The following RBFOX1 variants were observed in gnomAD, a reference collection of about 807,000 sequenced individuals.
RBFOX1 encodes RNA binding fox-1 homolog 1.
Under a neutral mutation model 57.7 loss-of-function variants are expected in RBFOX1, and 8 were observed. That is an observed-to-expected ratio of 0.14 (90% CI 0.08 to 0.25). The LOEUF is 0.25. Ranked by LOEUF, RBFOX1 falls within the 10% of genes least tolerant of loss-of-function variation. The probability of loss-of-function intolerance (pLI) is 1.00; values close to 1 mark genes in which losing one functional copy is unlikely to be tolerated. For missense variants in RBFOX1, 611 were observed against 548.5 expected, an observed-to-expected ratio of 1.11 and a Z score of -1.14; for synonymous variants, 326 against 222.4, an observed-to-expected ratio of 1.47 and a Z score of -4.15.
chr16:7,479,271 G>C (rs747807795), intron 4 of RBFOX1, among the ~76,000 whole-genome samples: 1 of 151,930 alleles, frequency 6.6e-6, no homozygotes, highest in African/African-American at 2.4e-5. Context: ...TTACAGGCAT[G>C]CACCACCACA....
At chr16:5,894,642 T>A (rs2058118580) in intron 4 of RBFOX1, among the ~76,000 whole-genome samples, 1 of 152,144 alleles carries the variant, frequency 6.6e-6, no homozygotes, top group East Asian at 1.9e-4. Flanking sequence ...CTGAGTTTCC[T>A]TCTGAGCTCC....
intron 3 of RBFOX1, among the ~76,000 whole-genome samples, chr16:6,712,787 C>T (rs2063954951): frequency 6.6e-6 from 1 of 151,544 alleles, no homozygotes; most frequent in Non-Finnish European, 1.5e-5. Context: ...TATGGTTTGG[C>T]TGTGTCCCCA....
intron 4 of RBFOX1, among the ~76,000 whole-genome samples, chr16:5,900,034 T>G (rs747112695): frequency 2.6e-5 from 4 of 152,142 alleles, no homozygotes; most frequent in Non-Finnish European, 5.9e-5. Flanking sequence ...GCCGAGATTG[T>G]GCCACTGCAC....
intron 13 of RBFOX1, among the ~76,000 whole-genome samples, chr16:7,670,523 A>T (rs1250305560): frequency 1.3e-5 from 2 of 152,206 alleles, no homozygotes; most frequent in Non-Finnish European, 2.9e-5. Flanking sequence ...GAGGGAGAGA[A>T]GTAAAAGCAT....
chr16:7,632,954 G>A (rs1299419996), intron 11 of RBFOX1, among the ~76,000 whole-genome samples: 2 of 152,124 alleles, frequency 1.3e-5, no homozygotes, highest in Non-Finnish European at 2.9e-5. Context: ...AAAGTGAATT[G>A]GGGAAGCATC....
At chr16:5,584,961 A>G (rs1469098237) in intron 2 of RBFOX1, among the ~76,000 whole-genome samples, 1 of 151,098 alleles carries the variant, frequency 6.6e-6, no homozygotes, top group African/African-American at 2.5e-5. Context: ...GAGGGATAGA[A>G]GTCTGGGTCT....
intron 4 of RBFOX1, among the ~76,000 whole-genome samples, chr16:7,502,594 G>C (rs2071335049): frequency 6.6e-6 from 1 of 151,946 alleles, no homozygotes; most frequent in African/African-American, 2.4e-5. Flanking sequence ...TTGTTTGTTT[G>C]TTTTGTTTTT....
chr16:5,366,057 C>T (rs1343550611), intron 1 of RBFOX1: 2 of 474,514 alleles, frequency 4.2e-6, no homozygotes, highest in Non-Finnish European at 4.1e-6. Context: ...CAATGGTTTC[C>T]CTTGGGGCTT....
Position 5,559,763 on chromosome 16 carries a change from C to T in RBFOX1, c.259-39139C>T, listed in dbSNP as rs1287950955. On this transcript the variant is annotated intron_variant, in intron 2 of 2. Coordinates refer to the RBFOX1 transcript ENST00000585867. ...GTTAAAAAGTCTTCAGTGATAACCA[C>T]TCCCCTCATCTTGCTTTTAACATCT... 2.6e-5 allele frequency among the ~76,000 whole-genome samples: 4 copies of T among 152,340 alleles called. 1 individual carries two copies. In the East Asian group the frequency reaches 7.7e-4, roughly 29 times the overall value.
intron 3 of RBFOX1, among the ~76,000 whole-genome samples, chr16:5,800,719 G>A (rs1429535739): frequency 6.6e-6 from 1 of 152,046 alleles, no homozygotes; most frequent in East Asian, 1.9e-4. Context: ...TTACAGAGAG[G>A]AATTTCTGTC....
At chr16:7,395,589 AG>A (rs1272141440) in intron 4 of RBFOX1, among the ~76,000 whole-genome samples, 1 of 152,206 alleles carries the variant, frequency 6.6e-6, no homozygotes, top group African/African-American at 2.4e-5. Context: ...GCGAGACAAA[AG>A]CTTATTACCT....
At chr16:5,403,964 C>G (rs1286282037) in intron 1 of RBFOX1, among the ~76,000 whole-genome samples, 1 of 150,346 alleles carries the variant, frequency 6.7e-6, no homozygotes, top group East Asian at 2.0e-4. Flanking sequence ...CATGCAATGA[C>G]AAGAAGGACT....
intron 3 of RBFOX1, among the ~76,000 whole-genome samples, chr16:6,730,125 G>C (rs565207885): frequency 6.6e-6 from 1 of 152,176 alleles, no homozygotes; most frequent in East Asian, 1.9e-4. Flanking sequence ...TGCTTCCTTT[G>C]ACTTAAGTAT....
In RBFOX1 at chr16:5,696,850, ATCTT is replaced by A. The variant is rs200652792; in HGVS notation, c.318+97890_318+97893del. 8.5e-3 allele frequency among the ~76,000 whole-genome samples: 1,291 copies of A among 152,022 alleles called. 25 individuals are homozygous for A. The highest frequency in any genetic ancestry group is 0.03 in the African/African-American group (1,239 of 41,522). Reference sequence around the variant, plus strand: ...TATTTAAATTATGTATAAATTATCTATCTTACATATCTTCTCTGTTTCTTTCTGT... The same window carrying A: ...TATTTAAATTATGTATAAATTATCTAACATATCTTCTCTGTTTCTTTCTGT... On this transcript the variant is annotated intron_variant, in intron 3 of 19. Transcript: ENST00000641259.
chr16:5,856,212 T>A (rs1246478097), intron 3 of RBFOX1, among the ~76,000 whole-genome samples: 1 of 39,604 alleles, frequency 2.5e-5, no homozygotes, highest in Non-Finnish European at 5.7e-5. Flanking sequence ...TATATACATA[T>A]ATATGTATAT....
At chr16:7,477,382 T>C (rs888673637) in intron 4 of RBFOX1, among the ~76,000 whole-genome samples, 1 of 152,202 alleles carries the variant, frequency 6.6e-6, no homozygotes, top group Admixed American at 6.5e-5. Context: ...AGTTTGGGTC[T>C]ATGAAAAGAG....
intron 1 of RBFOX1, among the ~76,000 whole-genome samples, chr16:5,282,388 C>A (rs57308026): frequency 0.024 from 3,640 of 152,180 alleles, 155 homozygotes; most frequent in African/African-American, 0.083. Flanking sequence ...TACCTGAATA[C>A]GTGGAAGTGA....
chr16:5,820,296 C>T (rs757341483), intron 3 of RBFOX1, among the ~76,000 whole-genome samples: 1 of 152,164 alleles, frequency 6.6e-6, no homozygotes, highest in African/African-American at 2.4e-5. Context: ...CGGCACATCA[C>T]GTGGAATAGG....
chr16:6,773,897 C>A (rs1297604704), intron 3 of RBFOX1: 1 of 941,788 alleles, frequency 1.1e-6, no homozygotes, highest in Non-Finnish European at 1.3e-6. Context: ...TTTGTGTGGG[C>A]ATGGAGTGCA....
Sources: gnomAD v4.1 joint callset for allele counts (sites outside exome capture counted in the v4.1 genomes callset) on GRCh38, gnomAD v4.1.1 for gene constraint, MANE v1.5 for transcripts, NCBI Gene and HGNC (gene_info 2026-07-23, HGNC 2026-07-21) for gene names.